Variants in GABRG2 observed in about 807,000 individuals in gnomAD.
GABRG2 encodes the protein gamma-aminobutyric acid receptor subunit gamma-2.
In GABRG2, 16 loss-of-function variants were observed where a neutral mutation model predicts 56.4. That is an observed-to-expected ratio of 0.28 (90% CI 0.19 to 0.43). The LOEUF (loss-of-function observed/expected upper bound fraction) is 0.43. Ranked by LOEUF, GABRG2 falls within the 20% of genes least tolerant of loss-of-function variation. GABRG2 has a pLI of 1.00. For missense variants in GABRG2, 327 were observed against 582.7 expected, an observed-to-expected ratio of 0.56 and a Z score of 4.52; for synonymous variants, 208 against 205.5, an observed-to-expected ratio of 1.01 and a Z score of -0.10.
intron 1 of GABRG2, among the ~76,000 whole-genome samples, chr5:162,081,971 C>T (rs1759700518): frequency 6.6e-6 from 1 of 151,966 alleles, no homozygotes; most frequent in Non-Finnish European, 1.5e-5. Flanking sequence ...AACACAGTGA[C>T]TATCCAGCTA....
intron 7 of GABRG2, among the ~76,000 whole-genome samples, chr5:162,146,837 C>T (rs1052500512): frequency 6.6e-6 from 1 of 152,200 alleles, no homozygotes; most frequent in African/African-American, 2.4e-5. Flanking sequence ...TTTAAACCAA[C>T]ATCAGTCTTT....
upstream of GABRG2, chr5:162,067,681 C>A (rs879197692): frequency 3.3e-6 from 2 of 598,886 alleles, no homozygotes; most frequent in East Asian, 5.5e-5. Flanking sequence ...GTGTGCGTGT[C>A]TTTCCCTCTC....
intron 6 of GABRG2, among the ~76,000 whole-genome samples, chr5:162,109,996 A>G (rs907942452): frequency 1.3e-5 from 2 of 152,080 alleles, no homozygotes; most frequent in East Asian, 3.9e-4. Flanking sequence ...TGCATCCAAA[A>G]CACCAAGGTT....
chr5:162,085,787 T>A (rs1276335566), intron 1 of GABRG2, among the ~76,000 whole-genome samples: 1 of 151,904 alleles, frequency 6.6e-6, no homozygotes, highest in East Asian at 1.9e-4. Flanking sequence ...TGTCCATGTG[T>A]CCTCATTGTT....
intron 1 of GABRG2, among the ~76,000 whole-genome samples, chr5:162,091,543 A>G (rs1760588230): frequency 6.6e-6 from 1 of 152,040 alleles, no homozygotes; most frequent in Admixed American, 6.6e-5. Flanking sequence ...GCAAGCCACA[A>G]ATCCAGAAAG....
At chr5:162,134,463 T>A (rs1226773265) in intron 6 of GABRG2, among the ~76,000 whole-genome samples, 1 of 152,174 alleles carries the variant, frequency 6.6e-6, no homozygotes, top group Admixed American at 6.6e-5. Flanking sequence ...AAGAATGGTA[T>A]GTATATTAAC....
At chr5:162,069,363 G>A (rs1758487326) in intron 1 of GABRG2, among the ~76,000 whole-genome samples, 1 of 152,046 alleles carries the variant, frequency 6.6e-6, no homozygotes, top group South Asian at 2.1e-4. Context: ...ACTAGCTATA[G>A]AAAATATCAA....
chr5:162,131,160 T>C (rs1049354552), intron 6 of GABRG2, among the ~76,000 whole-genome samples: 1 of 151,962 alleles, frequency 6.6e-6, no homozygotes, highest in African/African-American at 2.4e-5. Flanking sequence ...CAAAGGACAT[T>C]ATGACTCCTA....
chr5:162,149,063 T>A lies in GABRG2; in HGVS notation c.923-45T>A, dbSNP rs778784577. 9.5e-6 allele frequency: 15 copies of A among 1,584,174 alleles called. No homozygotes were observed. The Admixed American group carries it at 2.5e-4, about 26-fold the overall frequency. On this transcript the variant is annotated intron_variant, in intron 7 of 9. Coordinates refer to ENST00000639213, the MANE Select transcript of GABRG2 (RefSeq NM_198904.4). The stretch of plus-strand genomic sequence containing the variant: ...CTCACGAGTGACTCAGTTACCCAAC[T>A]TGCTTATGCAATCACATGACCTGTA...
At position 162,093,858 on chromosome 5, in the gene GABRG2, T is replaced by C. The variant is rs745694203; in HGVS notation, c.138T>C (p.Tyr46=). ...GFTSQKSDDD[Y]EDYASNKTWV... ...CTAGCCAGAAATCTGATGATGACTATGAAGATTATGCTTCTAACAAAACAT... is the reference window on the plus strand; with the variant it reads ...CTAGCCAGAAATCTGATGATGACTACGAAGATTATGCTTCTAACAAAACAT... Residue 46 remains tyrosine, a synonymous_variant, in exon 2 of 10, where the codon TAT becomes TAC. Coordinates refer to ENST00000639213, the MANE Select transcript of GABRG2 (RefSeq NM_198904.4). 5.6e-6 allele frequency: 9 copies of C among 1,613,212 alleles called. No individual in the cohort carries two copies. The South Asian group carries it at 9.9e-5, about 18-fold the overall frequency.
chr5:162,102,548 G>C (rs1761505998), intron 5 of GABRG2: 1 of 453,884 alleles, frequency 2.2e-6, no homozygotes, highest in Admixed American at 2.4e-5. Flanking sequence ...GTTTTGTTTT[G>C]GACAGGGTCT....
In GABRG2 at chr5:162,153,246, G is replaced by C; in HGVS notation, c.1306G>C (p.Ala436Pro). ...FCCFEDCRTG[A>P]WRHGRIHIRI... ...CTGTTTTGAAGATTGTCGAACAGGA[G>C]CTTGGAGACATGGGAGGATACATAT... The change falls in exon 10 of 10, where the codon GCT (alanine) becomes CCT (proline). Residue 436 changes from alanine to proline, a missense_variant. This residue lies in a region of GABRG2 where 108 missense variants were observed against 144.2 expected (regional missense o/e 0.75). Coordinates refer to ENST00000639213, the MANE Select transcript of GABRG2 (RefSeq NM_198904.4). The C allele has an allele frequency of 6.2e-7, 1 of 1,614,102 alleles. No homozygotes were observed. The highest frequency in any genetic ancestry group is 8.5e-7 in the Non-Finnish European group (1 of 1,179,990).
intron 1 of GABRG2, among the ~76,000 whole-genome samples, chr5:162,079,657 T>C (rs1385387964): frequency 6.6e-6 from 1 of 152,012 alleles, no homozygotes; most frequent in Admixed American, 6.6e-5. Flanking sequence ...ATAACACTGC[T>C]TTTATAAATT....
chr5:162,105,134 G>A (rs536468744), intron 6 of GABRG2, among the ~76,000 whole-genome samples: 100 of 152,148 alleles, frequency 6.6e-4, no homozygotes, highest in Admixed American at 1.4e-3. Flanking sequence ...TATTTTTTGC[G>A]TATGGAATAA....
chr5:162,110,344 A>G (rs2113413910), intron 6 of GABRG2, among the ~76,000 whole-genome samples: 1 of 152,180 alleles, frequency 6.6e-6, no homozygotes, highest in South Asian at 2.1e-4. Flanking sequence ...TTTTCTTACT[A>G]TGTTACACCT....
chr5:162,079,860 G>A (rs1759507728), intron 1 of GABRG2, among the ~76,000 whole-genome samples: 2 of 152,020 alleles, frequency 1.3e-5, no homozygotes, highest in Non-Finnish European at 1.5e-5. Flanking sequence ...GCTCACTGCA[G>A]CCTCTGTCTC....
At chr5:162,070,658 G>T (rs973529265) in intron 1 of GABRG2, among the ~76,000 whole-genome samples, 1 of 151,846 alleles carries the variant, frequency 6.6e-6, no homozygotes, top group African/African-American at 2.4e-5. Context: ...ATAAAGCATC[G>T]TAGTGAGAAT....
chr5:162,119,126 C>T (rs889962544), intron 6 of GABRG2, among the ~76,000 whole-genome samples: 1 of 152,072 alleles, frequency 6.6e-6, no homozygotes, highest in East Asian at 1.9e-4. Context: ...TGAAATTAGA[C>T]TCCACACAGA....
intron 3 of GABRG2, among the ~76,000 whole-genome samples, chr5:162,097,360 C>G (rs1476208960): frequency 6.6e-6 from 1 of 152,156 alleles, no homozygotes; most frequent in Non-Finnish European, 1.5e-5. Context: ...CAATGCTCTG[C>G]TCTATAGACA....
Sources: allele counts gnomAD v4.1 joint callset (sites outside exome capture counted in the v4.1 genomes callset), GRCh38; gene constraint gnomAD v4.1.1; regional missense constraint gnomAD v4.1.1; transcripts MANE v1.5; gene names NCBI Gene and HGNC (gene_info 2026-07-23, HGNC 2026-07-21).